The following LRRTM4 variants were observed in gnomAD, a reference collection of about 807,000 sequenced individuals.
LRRTM4 encodes leucine-rich repeat transmembrane neuronal protein 4.
A neutral mutation model predicts 47.6 loss-of-function variants in LRRTM4; 25 were observed. The observed-to-expected ratio is 0.53, with a 90% CI of 0.38 to 0.73. The LOEUF (loss-of-function observed/expected upper bound fraction) is 0.73, where lower values mean the gene tolerates loss of function less well. LRRTM4 is among the 30% of genes least tolerant of loss of function. LRRTM4 has a pLI of 0.00. For synonymous variants in LRRTM4, 311 were observed against 269.5 expected, an observed-to-expected ratio of 1.15 and a Z score of -1.51; for missense variants, 638 against 713.4, an observed-to-expected ratio of 0.89 and a Z score of 1.20.
At chr2:76,938,766 C>T (rs1461157637) in intron 3 of LRRTM4, among the ~76,000 whole-genome samples, 1 of 151,942 alleles carries the variant, frequency 6.6e-6, no homozygotes, top group Non-Finnish European at 1.5e-5. Flanking sequence ...TAAAAATTAT[C>T]CTTTATAATA....
At chr2:77,337,519 T>C (rs1170646873) in intron 3 of LRRTM4, among the ~76,000 whole-genome samples, 1 of 152,096 alleles carries the variant, frequency 6.6e-6, no homozygotes, top group African/African-American at 2.4e-5. Flanking sequence ...TGCAGTGTTT[T>C]CTCCCATGCT....
intron 3 of LRRTM4, among the ~76,000 whole-genome samples, chr2:76,894,621 T>G (rs971775542): frequency 1.3e-5 from 2 of 151,992 alleles, no homozygotes; most frequent in Non-Finnish European, 1.5e-5. Flanking sequence ...GCAAAGGCTC[T>G]GAATTATATC....
intron 3 of LRRTM4, among the ~76,000 whole-genome samples, chr2:77,203,846 A>T (rs1674048129): frequency 6.6e-6 from 1 of 152,202 alleles, no homozygotes; most frequent in Non-Finnish European, 1.5e-5. Flanking sequence ...ATACTGTTCC[A>T]CGAGATATCT....
In LRRTM4 at chr2:77,063,797, T is replaced by A. The variant is rs915410264; in HGVS notation, c.1552-314881A>T. On this transcript the variant is annotated intron_variant, in intron 3 of 3. Coordinates refer to ENST00000409884, the MANE Select transcript of LRRTM4 (RefSeq NM_001134745.3). ...ATTATAATAAACTAAAATTTTTGAA[T>A]GTATAATAAAAATGTTTAATTCCTT... Among the ~76,000 whole-genome samples the A allele has an allele frequency of 4.2e-4, 64 of 152,174 alleles. 1 individual carries two copies. The highest frequency in any genetic ancestry group is 1.5e-3 in the African/African-American group (63 of 41,452).
At chr2:77,298,817 A>T (rs1665621091) in intron 3 of LRRTM4, among the ~76,000 whole-genome samples, 1 of 152,176 alleles carries the variant, frequency 6.6e-6, no homozygotes, top group African/African-American at 2.4e-5. Flanking sequence ...GAATAAAAGC[A>T]ATGCTATTTT....
intron 3 of LRRTM4, among the ~76,000 whole-genome samples, chr2:76,784,785 A>G (rs1288436388): frequency 6.7e-6 from 1 of 148,744 alleles, no homozygotes; most frequent in Non-Finnish European, 1.5e-5. Flanking sequence ...TTCTTTTTGT[A>G]TGGTTTTTTA....
At chr2:76,988,627 T>G (rs2103985654) in intron 3 of LRRTM4, among the ~76,000 whole-genome samples, 1 of 151,952 alleles carries the variant, frequency 6.6e-6, no homozygotes, top group Non-Finnish European at 1.5e-5. Context: ...TACTAAATAT[T>G]TTGTAGAGGC....
intron 3 of LRRTM4, among the ~76,000 whole-genome samples, chr2:77,493,776 C>A (rs756881737): frequency 2.9e-4 from 44 of 151,914 alleles, no homozygotes; most frequent in Non-Finnish European, 5.3e-4. Flanking sequence ...AAATAAGTAT[C>A]CATTTTTATA....
intron 3 of LRRTM4, among the ~76,000 whole-genome samples, chr2:77,065,778 T>C (rs1679931158): frequency 6.6e-6 from 1 of 152,182 alleles, no homozygotes; most frequent in African/African-American, 2.4e-5. Context: ...GTTAACAGAA[T>C]GGAGTTAATT....
At chr2:76,899,752 A>G (rs1455690812) in intron 3 of LRRTM4, among the ~76,000 whole-genome samples, 1 of 152,204 alleles carries the variant, frequency 6.6e-6, no homozygotes, top group East Asian at 1.9e-4. Context: ...AAGATAAATT[A>G]AAAGGCAAAA....
At chr2:76,966,534 G>A (rs530923368) in intron 3 of LRRTM4, among the ~76,000 whole-genome samples, 1 of 151,414 alleles carries the variant, frequency 6.6e-6, no homozygotes, top group South Asian at 2.1e-4. Context: ...AACTACGCAA[G>A]CAAACAAACA....
intron 3 of LRRTM4, among the ~76,000 whole-genome samples, chr2:77,178,293 A>T (rs1673253189): frequency 6.6e-6 from 1 of 152,158 alleles, no homozygotes. Context: ...GTATACATTT[A>T]AAACTTTATT....
At chr2:77,293,635 A>G (rs115616636) in intron 3 of LRRTM4, among the ~76,000 whole-genome samples, 4,790 of 152,226 alleles carry the variant, frequency 0.031, 257 homozygotes, top group African/African-American at 0.11. Flanking sequence ...TTTTGTGAAA[A>G]AACATTGTGA....
intron 3 of LRRTM4, among the ~76,000 whole-genome samples, chr2:76,801,762 G>A (rs1386492156): frequency 6.6e-6 from 1 of 152,100 alleles, no homozygotes; most frequent in East Asian, 1.9e-4. Context: ...CACATTAAAA[G>A]GATCATTCAC....
At chr2:77,195,894 G>T (rs1424502565) in intron 3 of LRRTM4, among the ~76,000 whole-genome samples, 3 of 152,050 alleles carry the variant, frequency 2.0e-5, no homozygotes, top group Admixed American at 6.6e-5. Context: ...GAAGGAAAAG[G>T]CTTCATAGAA....
chr2:76,909,778 A>T (rs1377474665), intron 3 of LRRTM4, among the ~76,000 whole-genome samples: 1 of 152,218 alleles, frequency 6.6e-6, no homozygotes, highest in Non-Finnish European at 1.5e-5. Flanking sequence ...GAGAAATGCA[A>T]ATCAAAACCA....
At chr2:77,156,336 C>T (rs1310773200) in intron 3 of LRRTM4, among the ~76,000 whole-genome samples, 1 of 120,350 alleles carries the variant, frequency 8.3e-6, no homozygotes, top group Admixed American at 8.4e-5. Context: ...CAAAAAAAAA[C>T]AGAAAAAAGT....
At chr2:77,290,710 T>A (rs2104127172) in intron 3 of LRRTM4, among the ~76,000 whole-genome samples, 1 of 152,132 alleles carries the variant, frequency 6.6e-6, no homozygotes, top group South Asian at 2.1e-4. Context: ...TTTTAAAAAA[T>A]TAAGTCCAAC....
At chr2:77,499,032 T>C (rs944900756) in intron 3 of LRRTM4, among the ~76,000 whole-genome samples, 2 of 151,864 alleles carry the variant, frequency 1.3e-5, no homozygotes, top group African/African-American at 4.8e-5. Flanking sequence ...TAGAAATGTC[T>C]TTTTAGCCTC....
Sources: allele counts gnomAD v4.1 joint callset (sites outside exome capture counted in the v4.1 genomes callset), GRCh38; gene constraint gnomAD v4.1.1; transcripts MANE v1.5; gene names NCBI Gene and HGNC (gene_info 2026-07-23, HGNC 2026-07-21).